RELN: variants seen among roughly 807,000 people sequenced by gnomAD.
RELN encodes reelin.
Under a neutral mutation model 427.6 loss-of-function variants are expected in RELN, and 108 were observed. The ratio of observed to expected loss-of-function variants is 0.25; its 90% confidence interval spans 0.22 to 0.30. RELN has a LOEUF of 0.30. Ranked by LOEUF, RELN falls within the 10% of genes least tolerant of loss-of-function variation. The pLI, the probability that RELN is intolerant of heterozygous loss-of-function variation, is 1.00. For missense variants in RELN, 3,715 were observed against 4,302.8 expected (o/e 0.86, Z 3.82); for synonymous variants, 1,524 against 1,513.4 (o/e 1.01, Z -0.16).
chr7:103,587,222 G>A (rs1831294582), intron 28 of RELN, among the ~76,000 whole-genome samples: 1 of 152,106 alleles, frequency 6.6e-6, no homozygotes, highest in African/African-American at 2.4e-5. Flanking sequence ...CAGAAATAAA[G>A]CCCCAGATTT....
chr7:103,763,519 A>G (rs73180120), intron 4 of RELN, among the ~76,000 whole-genome samples: 26,514 of 152,158 alleles, frequency 0.17, 2,460 homozygotes, highest in Middle Eastern at 0.33. Context: ...TGGGAGAGTG[A>G]TAAAAATAAA....
chr7:103,957,176 A>G (rs1168807048), intron 1 of RELN, among the ~76,000 whole-genome samples: 1 of 145,982 alleles, frequency 6.9e-6, no homozygotes, highest in Admixed American at 6.8e-5. Flanking sequence ...AGTTGAAAAA[A>G]GCAGAGAGTG....
intron 62 of RELN, 84 bp from the exon 63 acceptor site, chr7:103,483,055 T>A: frequency 9.9e-7 from 1 of 1,012,296 alleles, no homozygotes; most frequent in African/African-American, 1.6e-5. Flanking sequence ...TCAAATATTA[T>A]AATAGGCTAA....
intron 2 of RELN, among the ~76,000 whole-genome samples, chr7:103,906,103 G>C (rs1049668010): frequency 2.6e-5 from 4 of 152,096 alleles, no homozygotes; most frequent in African/African-American, 9.7e-5. Context: ...TAGGTGTCTG[G>C]AAAAGAGGCT....
intron 12 of RELN, among the ~76,000 whole-genome samples, chr7:103,655,794 C>G (rs529937873): frequency 2.0e-5 from 3 of 152,158 alleles, no homozygotes; most frequent in Admixed American, 2.0e-4. Context: ...GATTCATTTG[C>G]AAAATGTGTC....
chr7:103,785,455 A>T (rs138381697), intron 3 of RELN, among the ~76,000 whole-genome samples: 2 of 152,290 alleles, frequency 1.3e-5, no homozygotes, highest in East Asian at 3.9e-4. Context: ...ATCACATTTA[A>T]GTGGACTCAA....
intron 22 of RELN, 113 bp from the exon 23 acceptor site, chr7:103,604,596 T>C: frequency 2.0e-6 from 2 of 997,416 alleles, no homozygotes; most frequent in South Asian, 1.3e-5. Flanking sequence ...GAACTTGAGC[T>C]TAGCTGGCAT....
chr7:103,475,615 A>C (rs1828008132), intron 64 of RELN, among the ~76,000 whole-genome samples: 1 of 152,242 alleles, frequency 6.6e-6, no homozygotes, highest in Non-Finnish European at 1.5e-5. Context: ...ATCTCAATGC[A>C]ACCTAGATTG....
intron 2 of RELN, among the ~76,000 whole-genome samples, chr7:103,857,534 G>A (rs560425544): frequency 3.3e-5 from 5 of 152,314 alleles, no homozygotes; most frequent in Admixed American, 6.5e-5. Context: ...ATATGCACAC[G>A]TAAGGGCCTG....
chr7:103,652,773 G>A lies in RELN; in HGVS notation c.1555-14C>T, dbSNP rs374954200. 2.5e-6 allele frequency: 4 copies of A among 1,610,900 alleles called. No individual in the cohort carries two copies. The African/African-American group carries it at 4.0e-5, about 16-fold the overall frequency. ...CAAAGACGGAACCTTTCAAACAAAG[G>A]AGACCAGAATCACTCAAAATCCTTT... On this transcript the variant is annotated splice_polypyrimidine_tract_variant and intron_variant, in intron 13 of 64. Coordinates refer to ENST00000428762, the MANE Select transcript of RELN (RefSeq NM_005045.4).
chr7:103,846,783 T>C (rs904292197), intron 2 of RELN, among the ~76,000 whole-genome samples: 1 of 152,104 alleles, frequency 6.6e-6, no homozygotes, highest in Non-Finnish European at 1.5e-5. Flanking sequence ...GAACAGACAC[T>C]TCTCAAAATT....
At chr7:103,636,576 T>C (rs1221623593) in intron 17 of RELN, 108 bp from the exon 18 acceptor site, 2 of 754,818 alleles carry the variant, frequency 2.6e-6, no homozygotes, top group African/African-American at 1.7e-5. Flanking sequence ...GATTGAATGG[T>C]AAATGAGGCT....
chr7:103,809,964 T>A (rs1028247186), intron 3 of RELN, among the ~76,000 whole-genome samples: 25 of 152,190 alleles, frequency 1.6e-4, no homozygotes, highest in African/African-American at 6.0e-4. Flanking sequence ...AACTCAAGTT[T>A]TCTCTTGTGT....
chr7:103,730,763 T>C (rs974647782), intron 6 of RELN, among the ~76,000 whole-genome samples: 2 of 152,150 alleles, frequency 1.3e-5, no homozygotes, highest in African/African-American at 2.4e-5. Flanking sequence ...GTCTTTTAAA[T>C]GTCCTTTACT....
chr7:103,805,592 T>C (rs1792579151), intron 3 of RELN, among the ~76,000 whole-genome samples: 1 of 152,196 alleles, frequency 6.6e-6, no homozygotes, highest in African/African-American at 2.4e-5. Context: ...CTCCAGCCAA[T>C]TTCCTTCTAA....
intron 2 of RELN, among the ~76,000 whole-genome samples, chr7:103,850,577 G>A (rs953218693): frequency 6.6e-6 from 1 of 152,174 alleles, no homozygotes; most frequent in African/African-American, 2.4e-5. Context: ...GTAGCAATTT[G>A]AATGGGGCGA....
chr7:103,958,549 G>A (rs1796482795), intron 1 of RELN, among the ~76,000 whole-genome samples: 1 of 152,116 alleles, frequency 6.6e-6, no homozygotes, highest in Admixed American at 6.5e-5. Context: ...CTGTCATGAG[G>A]CTCTCAGTGT....
rs771843925 is a variant in RELN, at chr7:103,629,928, T to C, written c.2702+12A>G. On this transcript the variant is annotated intron_variant, in intron 20 of 64. Coordinates refer to ENST00000428762, the MANE Select transcript of RELN (RefSeq NM_005045.4). The stretch of plus-strand genomic sequence containing the variant: ...GTGCAAATTGTAACAATAACAATGA[T>C]GAAATCCTTACCAAAGGGTCCAGTC... 6.7e-7 allele frequency: 1 copy of C among 1,482,658 alleles called. No individual in the cohort carries two copies. The highest frequency in any genetic ancestry group is 9.4e-7 in the Non-Finnish European group (1 of 1,060,364). The allele number at this position is 1,482,658 out of a possible 1,614,324, so 91.8% of individuals were successfully genotyped here.
At chr7:103,502,446 G>C (rs1012438116) in intron 52 of RELN, among the ~76,000 whole-genome samples, 1 of 152,168 alleles carries the variant, frequency 6.6e-6, no homozygotes, top group African/African-American at 2.4e-5. Context: ...TTTTGGAATT[G>C]CCTTAAATTA....
Sources: allele counts gnomAD v4.1 joint callset (sites outside exome capture counted in the v4.1 genomes callset), GRCh38; gene constraint gnomAD v4.1.1; transcripts MANE v1.5; gene names NCBI Gene and HGNC (gene_info 2026-07-23, HGNC 2026-07-21).